TMEM132C: variants seen among roughly 807,000 people sequenced by gnomAD.
TMEM132C encodes the protein transmembrane protein 132C.
In TMEM132C, 29 loss-of-function variants were observed where a neutral mutation model predicts 61.4. The observed-to-expected ratio is 0.47, with a 90% CI of 0.35 to 0.64. TMEM132C has a LOEUF of 0.64. TMEM132C is among the 30% of genes least tolerant of loss of function. TMEM132C has a pLI of 0.00. For synonymous variants in TMEM132C, 656 were observed against 633.1 expected (o/e 1.04, Z -0.54); for missense variants, 1,408 against 1,476.9 (o/e 0.95, Z 0.76).
intron 3 of TMEM132C, among the ~76,000 whole-genome samples, chr12:128,566,189 C>CAAAAAAA (rs59258589): frequency 1.0e-4 from 7 of 67,830 alleles, no homozygotes; most frequent in East Asian, 4.6e-4. Flanking sequence ...CAAGCCTAAC[C>CAAAAAAA]AAAAAAAAAA....
At chr12:128,541,392 T>C (rs1013578165) in intron 2 of TMEM132C, among the ~76,000 whole-genome samples, 2 of 152,182 alleles carry the variant, frequency 1.3e-5, no homozygotes, top group African/African-American at 4.8e-5. Context: ...TCAGTGGTGA[T>C]GAGCCCCTCT....
In TMEM132C at chr12:128,267,421, G is replaced by GC; in HGVS notation, c.24dup (p.Gly9ArgfsTer116). 1 of 1,233,200 alleles carries GC rather than the reference G, an allele frequency of 8.1e-7. No individual in the cohort carries two copies. The highest frequency in any genetic ancestry group is 1.0e-6 in the Non-Finnish European group (1 of 988,996). 76.4% of individuals were successfully genotyped at this position (1,233,200 alleles called of 1,614,324 possible). On this transcript the variant is annotated frameshift_variant, in exon 1 of 9. Coordinates refer to ENST00000435159, the MANE Select transcript of TMEM132C (RefSeq NM_001136103.3). LOFTEE classifies it high-confidence loss of function. ...ACGCAGGATGCGCTCCGAGGGTGCG[G>GC]CCCCCGGGCCGGCGGCGCCGCTGTG...
At chr12:128,694,128 T>A in intron 6 of TMEM132C, 94 bp downstream of exon 6, 7 of 1,353,714 alleles carry the variant, frequency 5.2e-6, no homozygotes, top group African/African-American at 2.9e-5. Flanking sequence ...GAGATGCTGG[T>A]ATTGTCTCAG....
intron 2 of TMEM132C, among the ~76,000 whole-genome samples, chr12:128,499,879 A>AT (rs1872100100): frequency 6.6e-6 from 1 of 151,970 alleles, no homozygotes; most frequent in Non-Finnish European, 1.5e-5. Context: ...CCATATGCTG[A>AT]TTTTTTCTTT....
Position 128,570,934 on chromosome 12 carries a change from T to G in TMEM132C, c.1121+26831T>G, listed in dbSNP as rs1593103574. 6.6e-6 allele frequency among the ~76,000 whole-genome samples: 1 copy of G among 152,226 alleles called. No homozygotes were observed. The highest frequency in any genetic ancestry group is 2.1e-4 in the South Asian group (1 of 4,830). The stretch of plus-strand genomic sequence containing the variant: ...TCTGGGGAAGTTACTATTTTCACTT[T>G]GGCACGTTACCACCCTGAAAAGATC... On this transcript the variant is annotated intron_variant, in intron 3 of 8. Transcript: ENST00000435159. The surrounding 1 kb of genome is among the most constrained non-coding windows in gnomAD (Gnocchi z 4.7).
At chr12:128,637,142 C>T (rs1171528866) in intron 4 of TMEM132C, among the ~76,000 whole-genome samples, 1 of 152,158 alleles carries the variant, frequency 6.6e-6, no homozygotes, top group East Asian at 1.9e-4. Context: ...ATTGCTGGAT[C>T]ACATGGTAGT....
At chr12:128,514,501 T>C (rs1022216160) in intron 2 of TMEM132C, among the ~76,000 whole-genome samples, 3 of 151,582 alleles carry the variant, frequency 2.0e-5, no homozygotes, top group Non-Finnish European at 2.9e-5. Flanking sequence ...ATGTCTGGAA[T>C]GTGGTGGGAG....
intron 3 of TMEM132C, among the ~76,000 whole-genome samples, chr12:128,552,168 C>T (rs985126621): frequency 4.6e-5 from 7 of 152,220 alleles, no homozygotes; most frequent in Non-Finnish European, 1.0e-4. Flanking sequence ...TGAACACCTT[C>T]ACTTCAACCG....
At chr12:128,345,603 A>T (rs920690372) in intron 1 of TMEM132C, among the ~76,000 whole-genome samples, 3 of 152,128 alleles carry the variant, frequency 2.0e-5, no homozygotes, top group Non-Finnish European at 4.4e-5. Context: ...AATAGTAGCC[A>T]TTCTGACAGA....
intron 4 of TMEM132C, among the ~76,000 whole-genome samples, chr12:128,646,096 A>G (rs1954195396): frequency 6.7e-6 from 1 of 150,202 alleles, no homozygotes; most frequent in African/African-American, 2.5e-5. Flanking sequence ...ACTGGAACCT[A>G]TCAGCATTGG....
At chr12:128,314,859 G>T (rs907146444) in intron 1 of TMEM132C, among the ~76,000 whole-genome samples, 1 of 152,190 alleles carries the variant, frequency 6.6e-6, no homozygotes, top group Non-Finnish European at 1.5e-5. Flanking sequence ...AAGCCACTCA[G>T]TGTGGGCCCT....
chr12:128,633,827 T>A (rs1954080718), intron 4 of TMEM132C, among the ~76,000 whole-genome samples: 1 of 152,210 alleles, frequency 6.6e-6, no homozygotes, highest in African/African-American at 2.4e-5. Flanking sequence ...TATTCTTCAC[T>A]CCTTTATGTT....
At chr12:128,408,090 C>A (rs961209547) in intron 1 of TMEM132C, among the ~76,000 whole-genome samples, 1 of 152,132 alleles carries the variant, frequency 6.6e-6, no homozygotes, top group African/African-American at 2.4e-5. Context: ...CAGAATGAGG[C>A]TCAACAGGAA....
chr12:128,688,374 A>T (rs1954693954), intron 5 of TMEM132C, among the ~76,000 whole-genome samples: 1 of 152,220 alleles, frequency 6.6e-6, no homozygotes, highest in Non-Finnish European at 1.5e-5. Context: ...TCTCATCTAA[A>T]AAATAGGATC....
chr12:128,466,690 T>C (rs1593063625), intron 2 of TMEM132C, among the ~76,000 whole-genome samples: 2 of 152,264 alleles, frequency 1.3e-5, no homozygotes, highest in South Asian at 2.1e-4. Flanking sequence ...TAATTTTTGT[T>C]TTTTGTTTGT....
At chr12:128,622,388 T>TATATATAC (rs1953977011) in intron 4 of TMEM132C, among the ~76,000 whole-genome samples, 1 of 110,072 alleles carries the variant, frequency 9.1e-6, no homozygotes, top group Non-Finnish European at 1.8e-5. Flanking sequence ...TATATATATA[T>TATATATAC]ATATATATAT....
intron 2 of TMEM132C, among the ~76,000 whole-genome samples, chr12:128,513,409 C>T (rs1872626275): frequency 6.6e-6 from 1 of 152,194 alleles, no homozygotes; most frequent in Admixed American, 6.5e-5. Context: ...CGTACTCTAA[C>T]ACAGAAACCA....
chr12:128,284,981 A>G (rs1186791574), intron 1 of TMEM132C, among the ~76,000 whole-genome samples: 2 of 152,098 alleles, frequency 1.3e-5, no homozygotes, highest in African/African-American at 4.8e-5. Context: ...ACCCCAAAAA[A>G]TAAACACAAA....
At chr12:128,635,014 T>C (rs551386867) in intron 4 of TMEM132C, among the ~76,000 whole-genome samples, 1 of 152,360 alleles carries the variant, frequency 6.6e-6, no homozygotes, top group South Asian at 2.1e-4. Context: ...TTCATTCTTG[T>C]AAATGCTGGG....
Sources: allele counts gnomAD v4.1 joint callset (sites outside exome capture counted in the v4.1 genomes callset), GRCh38; gene constraint gnomAD v4.1.1; non-coding constraint Gnocchi (gnomAD v3.1); transcripts MANE v1.5; gene names NCBI Gene and HGNC (gene_info 2026-07-23, HGNC 2026-07-21).